Variants in KDM6A observed in about 807,000 individuals in gnomAD.
The protein encoded by KDM6A is lysine demethylase 6A.
Under a neutral mutation model 117.6 loss-of-function variants are expected in KDM6A, and 11 were observed. The observed-to-expected ratio is 0.09, with a 90% CI of 0.06 to 0.15. The LOEUF (loss-of-function observed/expected upper bound fraction) is 0.15, where lower values mean the gene tolerates loss of function less well. Among genes scored for constraint, KDM6A ranks in the 10% least tolerant of loss-of-function variants. The pLI is 1.00. For missense variants in KDM6A, 799 were observed against 1,077.3 expected, an observed-to-expected ratio of 0.74 and a Z score of 3.62; for synonymous variants, 384 against 396.1, an observed-to-expected ratio of 0.97 and a Z score of 0.36.
At chrX:44,989,565 A>G (rs748715433) in intron 4 of KDM6A, among the ~76,000 whole-genome samples, 28 of 111,227 alleles carry the variant, frequency 2.5e-4, no homozygotes, top group Non-Finnish European at 3.6e-4. Context: ...CCATATTTCT[A>G]TGAGGAGGAA....
At chrX:45,019,528 T>A (rs1304608912) in intron 5 of KDM6A, among the ~76,000 whole-genome samples, 1 of 112,405 alleles carries the variant, frequency 8.9e-6, no homozygotes, top group East Asian at 2.8e-4. Context: ...ATTATTTTGC[T>A]CTATTTTGTG....
At chrX:44,964,075 G>C (rs780156015) in intron 3 of KDM6A, among the ~76,000 whole-genome samples, 2 of 110,224 alleles carry the variant, frequency 1.8e-5, no homozygotes, top group Non-Finnish European at 3.8e-5. Context: ...TTTCCAGAAG[G>C]CTTTCAATTT....
chrX:45,023,834 T>A (rs2042264344), intron 6 of KDM6A, among the ~76,000 whole-genome samples: 1 of 110,568 alleles, frequency 9.0e-6, no homozygotes, highest in African/African-American at 3.3e-5. Flanking sequence ...ATTATCTCAT[T>A]CTTATACCTT....
At chrX:45,068,681 T>G (rs1781846860) in intron 17 of KDM6A, among the ~76,000 whole-genome samples, 1 of 109,234 alleles carries the variant, frequency 9.2e-6, no homozygotes, top group Non-Finnish European at 1.9e-5. Context: ...TCCTCCCACC[T>G]TGGCCTCCTG....
chrX:44,991,321 T>TTCTC (rs747941440), intron 4 of KDM6A, among the ~76,000 whole-genome samples: 2 of 109,361 alleles, frequency 1.8e-5, no homozygotes, highest in Non-Finnish European at 3.8e-5. Context: ...TCTTTTTCTC[T>TTCTC]TCTCTCTCTC....
At chrX:44,907,500 A>G (rs1375805097) in intron 2 of KDM6A, among the ~76,000 whole-genome samples, 3 of 70,554 alleles carry the variant, frequency 4.3e-5, no homozygotes, top group Admixed American at 1.8e-4. Context: ...TTTTTTTCTG[A>G]GACAGCGTCT....
In KDM6A at chrX:44,988,464, C is replaced by T. The variant is rs917217763; in HGVS notation, c.384+13749C>T. 2.4e-3 allele frequency among the ~76,000 whole-genome samples: 273 copies of T among 111,632 alleles called. 2 individuals carry two copies. Among genetic ancestry groups the T allele is most frequent in the African/African-American group, 8.8e-3 (271 of 30,685 alleles). On this transcript the variant is annotated intron_variant, in intron 4 of 29. Coordinates refer to ENST00000611820, the MANE Select transcript of KDM6A (RefSeq NM_001291415.2). ...TCCGTTGCTGGTGAGGAGCTGCGTT[C>T]CTTTGGAGGAGGTGAGGCGCTCTGA...
intron 27 of KDM6A, among the ~76,000 whole-genome samples, chrX:45,099,672 G>T (rs762431774): frequency 4.5e-5 from 5 of 111,643 alleles, no homozygotes; most frequent in Non-Finnish European, 7.5e-5. Context: ...TTACTTTCTA[G>T]TCCATCTTTT....
chrX:45,060,748 C>T lies in KDM6A; in HGVS notation c.1469C>T (p.Thr490Ile), dbSNP rs1569533291. ...TCCAGTCCTGCCAAGAGGAAAAGAA[C>T]ATCTAGTCCAACAAAGGTATATGTT... Reference protein sequence around the residue: ...DLSSPAKRKRTSSPTKNTSDN... With the variant: ...DLSSPAKRKRISSPTKNTSDN... Residue 490 changes from threonine to isoleucine, a missense_variant, in exon 14 of 30, where the codon ACA becomes ATA. By Grantham distance (89) the Thr-to-Ile change is moderately conservative (BLOSUM62 -1). Coordinates refer to ENST00000611820, the MANE Select transcript of KDM6A (RefSeq NM_001291415.2). 9.4e-7 allele frequency: 1 copy of T among 1,059,782 alleles called. No homozygotes were observed. The highest frequency in any genetic ancestry group is 2.9e-5 in the Admixed American group (1 of 35,041). The allele number at this position is 1,059,782 out of a possible 1,213,427, so 87.3% of individuals were successfully genotyped here. A position where few individuals can be genotyped will look rare whatever the true frequency, so the allele number is the denominator to read the frequency against.
At chrX:44,874,917 T>C (rs905266868) in intron 2 of KDM6A, among the ~76,000 whole-genome samples, 5 of 112,182 alleles carry the variant, frequency 4.5e-5, no homozygotes, top group Non-Finnish European at 7.5e-5. Context: ...AGAATTCTTA[T>C]ACCTTTCATA....
intron 25 of KDM6A, among the ~76,000 whole-genome samples, chrX:45,087,945 C>G (rs1420228016): frequency 9.0e-6 from 1 of 111,397 alleles, no homozygotes; most frequent in East Asian, 2.8e-4. Flanking sequence ...TGACTGTATA[C>G]TGTATCTGTA....
At chrX:44,919,064 C>G (rs959965299) in intron 2 of KDM6A, among the ~76,000 whole-genome samples, 1 of 111,660 alleles carries the variant, frequency 9.0e-6, no homozygotes, top group Non-Finnish European at 1.9e-5. Context: ...ATAGACTTTA[C>G]TTTTGCAACA....
chrX:44,967,240 G>T (rs1310359304), intron 3 of KDM6A, among the ~76,000 whole-genome samples: 1 of 110,953 alleles, frequency 9.0e-6, no homozygotes, highest in African/African-American at 3.3e-5. Flanking sequence ...GTCTCTAATA[G>T]CCCTCTCCCT....
chrX:44,958,947 G>A (rs1358608201), intron 2 of KDM6A, among the ~76,000 whole-genome samples: 1 of 110,811 alleles, frequency 9.0e-6, no homozygotes, highest in East Asian at 2.8e-4. Flanking sequence ...GTATGAGTTA[G>A]GAATATTGGA....
At chrX:44,976,402 G>A (rs936486399) in intron 4 of KDM6A, among the ~76,000 whole-genome samples, 1 of 110,305 alleles carries the variant, frequency 9.1e-6, no homozygotes, top group Admixed American at 9.7e-5. Context: ...CTCAGTATCC[G>A]TGGGGCATTG....
chrX:44,951,657 GA>G (rs1284606810), intron 2 of KDM6A, among the ~76,000 whole-genome samples: 1 of 111,357 alleles, frequency 9.0e-6, no homozygotes, highest in Non-Finnish European at 1.9e-5. Context: ...GCTGGGAGTT[GA>G]AATTTTATGT....
At chrX:45,067,816 C>A (rs1257305761) in intron 17 of KDM6A, among the ~76,000 whole-genome samples, 1 of 109,524 alleles carries the variant, frequency 9.1e-6, no homozygotes, top group African/African-American at 3.3e-5. Flanking sequence ...CCATGCCCGG[C>A]TAATTTTTGT....
At chrX:44,890,150 A>G (rs1024178608) in intron 2 of KDM6A, among the ~76,000 whole-genome samples, 2 of 112,321 alleles carry the variant, frequency 1.8e-5, no homozygotes, top group African/African-American at 6.5e-5. Flanking sequence ...CATTTCAGGA[A>G]TGTTATATAA....
At chrX:44,895,367 C>G (rs1353314029) in intron 2 of KDM6A, among the ~76,000 whole-genome samples, 1 of 108,613 alleles carries the variant, frequency 9.2e-6, no homozygotes, top group East Asian at 2.9e-4. Context: ...ATCTGCCCGC[C>G]TCGGCCTCCC....
Sources: allele counts gnomAD v4.1 joint callset (sites outside exome capture counted in the v4.1 genomes callset), GRCh38; gene constraint gnomAD v4.1.1; transcripts MANE v1.5; gene names NCBI Gene and HGNC (gene_info 2026-07-23, HGNC 2026-07-21).